TEX15: variants seen among roughly 807,000 people sequenced by gnomAD.
TEX15 encodes the protein testis-expressed protein 15.
Under a neutral mutation model 237.3 loss-of-function variants are expected in TEX15, and 171 were observed. That is an observed-to-expected ratio of 0.72 (90% CI 0.64 to 0.82). The LOEUF (loss-of-function observed/expected upper bound fraction) is 0.82, where lower values mean the gene tolerates loss of function less well. Among genes scored for constraint, TEX15 ranks in the 40% least tolerant of loss-of-function variants. The pLI is 0.00. For synonymous variants in TEX15, 1,338 were observed against 1,269.8 expected (o/e 1.05, Z -1.14); for missense variants, 3,750 against 3,646.5 (o/e 1.03, Z -0.73).
chr8:30,908,612 A>G (rs767395198), intron 1 of TEX15, among the ~76,000 whole-genome samples: 1 of 152,326 alleles, frequency 6.6e-6, no homozygotes, highest in Non-Finnish European at 1.5e-5. Flanking sequence ...TACAAGGTAC[A>G]ATAATTGTGG....
In TEX15 at chr8:30,843,335, G is replaced by C. The variant is rs775007039; in HGVS notation, c.6832C>G (p.Leu2278Val). 2 of 1,611,600 alleles carry C rather than the reference G, an allele frequency of 1.2e-6. No homozygotes were observed. The highest frequency in any genetic ancestry group is 1.7e-5 in the Admixed American group (1 of 59,714). Residue 2278 changes from leucine (L) to valine (V), a missense_variant, in exon 8 of 11, where the codon CTT becomes GTT. Transcript: ENST00000643185. ...GATTGTGTTCTCTCTTTCCAAACAAGATTTTTTGCAGCATCAAAAAAGATA... is the reference window on the plus strand; with the variant it reads ...GATTGTGTTCTCTCTTTCCAAACAACATTTTTTGCAGCATCAAAAAAGATA... The part of the protein sequence containing the change: ...EHIFFDAAKN[L>V]VWKERTQSFS...
chr8:30,844,171 T>C lies in TEX15; in HGVS notation c.5996A>G (p.Asn1999Ser), dbSNP rs1294164685. ...TGCCCTCTGCAAAATTTGAGATAGATTAGCTATAAGGGCCGTATGATTAGC... is the reference window on the plus strand; with the variant it reads ...TGCCCTCTGCAAAATTTGAGATAGACTAGCTATAAGGGCCGTATGATTAGC... ...CSANHTALIA[N>S]LSQILQRADE... Residue 1999 changes from asparagine to serine, a missense_variant, in exon 8 of 11, where the codon AAT becomes AGT. Physicochemically the swap from Asn to Ser is conservative, Grantham distance 46 (BLOSUM62 1). Coordinates refer to ENST00000643185, the MANE Select transcript of TEX15 (RefSeq NM_001350162.2). 6.2e-7 allele frequency: 1 copy of C among 1,613,028 alleles called. No homozygotes were observed. Among genetic ancestry groups the C allele is most frequent in the Non-Finnish European group, 8.5e-7 (1 of 1,179,498 alleles).
intron 7 of TEX15, among the ~76,000 whole-genome samples, chr8:30,852,808 A>C (rs1807817375): frequency 6.6e-6 from 1 of 152,216 alleles, no homozygotes; most frequent in Admixed American, 6.5e-5. Context: ...TACACTACCA[A>C]ATAGTTATTA....
rs760990385 is a variant in TEX15 at position 30,839,902 on chromosome 8, C to T, written c.8222+4G>A. 1 of 1,598,888 alleles carries T rather than the reference C, an allele frequency of 6.3e-7. No individual in the cohort carries two copies. The highest frequency in any genetic ancestry group is 1.3e-5 in the African/African-American group (1 of 74,602). ...TTCCACATAGGGCTGATGGGAACTC[C>T]TACCTTGGATGCTTGAATGTTGCCT... is the stretch of plus-strand genomic sequence containing the variant. On this transcript the variant is annotated splice_donor_region_variant and intron_variant, in intron 9 of 10. Coordinates refer to ENST00000643185, the MANE Select transcript of TEX15 (RefSeq NM_001350162.2).
Position 30,845,392 on chromosome 8 carries a change from G to A in TEX15, c.4775C>T (p.Ser1592Leu), listed in dbSNP as rs898159998. The change falls in exon 8 of 11, where the codon TCA (serine) becomes TTA (leucine). Residue 1592 changes from serine to leucine, a missense_variant. Coordinates refer to ENST00000643185, the MANE Select transcript of TEX15 (RefSeq NM_001350162.2). ...TSKYEKLEKH[S>L]ANHNVKDATK... Reference sequence around the variant, plus strand: ...TGCATCTTTAACATTATGATTTGCTGAATGTTTTTCAAGCTTTTCATATTT... The same window carrying A: ...TGCATCTTTAACATTATGATTTGCTAAATGTTTTTCAAGCTTTTCATATTT... 1 of 1,611,372 alleles carries A rather than the reference G, an allele frequency of 6.2e-7. No homozygotes were observed. The highest frequency in any genetic ancestry group is 1.7e-5 in the Admixed American group (1 of 59,752).
intron 3 of TEX15, among the ~76,000 whole-genome samples, chr8:30,885,146 A>G (rs887539502): frequency 6.6e-6 from 1 of 151,944 alleles, no homozygotes; most frequent in East Asian, 1.9e-4. Context: ...TGGGTTACTT[A>G]TATCTAGTGT....
At position 30,837,911 on chromosome 8, in the gene TEX15, G is replaced by C; in HGVS notation, c.8373C>G (p.Cys2791Trp). Residue 2791 changes from cysteine (C) to tryptophan (W), a missense_variant, in exon 10 of 11, where the codon TGC becomes TGG. Cys to Trp is a radical substitution (Grantham distance 215). Coordinates refer to ENST00000643185, the MANE Select transcript of TEX15 (RefSeq NM_001350162.2). ...LLPLENPKDTCASKSESKIDL... is the reference protein window; with the variant it reads ...LLPLENPKDTWASKSESKIDL... ...CTATTTTGCTTTCCGACTTTGATGC[G>C]CAAGTGTCTTTTGGGTTCTCTAAGG... 1 of 1,614,128 alleles carries C rather than the reference G, an allele frequency of 6.2e-7. No individual in the cohort carries two copies. The highest frequency in any genetic ancestry group is 8.5e-7 in the Non-Finnish European group (1 of 1,180,030).
chr8:30,891,913 ATC>A (rs1808802666), intron 2 of TEX15, among the ~76,000 whole-genome samples: 2 of 152,332 alleles, frequency 1.3e-5, no homozygotes, highest in African/African-American at 4.8e-5. Flanking sequence ...ATGAGATACT[ATC>A]TTTTTTGCTA....
At chr8:30,884,544 C>T (rs1182490439) in intron 3 of TEX15, among the ~76,000 whole-genome samples, 1 of 152,132 alleles carries the variant, frequency 6.6e-6, no homozygotes, top group Non-Finnish European at 1.5e-5. Context: ...TCATATATTT[C>T]TTCTTGTGTG....
Position 30,843,234 on chromosome 8 carries a change from C to T in TEX15, c.6933G>A (p.Leu2311=). Residue 2311 remains leucine (L), a synonymous_variant, in exon 8 of 11, where the codon TTG becomes TTA. Transcript: ENST00000643185. The part of the protein sequence containing the change: ...LRVNKCAFSK[L]QKIYDTLSKD... ...TAGACAAAGTATCATATATCTTCTGCAACTTAGAAAAGGCACATTTATTCA... is the reference window on the plus strand; with the variant it reads ...TAGACAAAGTATCATATATCTTCTGTAACTTAGAAAAGGCACATTTATTCA... 6.2e-7 allele frequency: 1 copy of T among 1,613,314 alleles called. No homozygotes were observed. The highest frequency in any genetic ancestry group is 1.1e-5 in the South Asian group (1 of 90,996).
chr8:30,891,932 T>G, intron 2 of TEX15, among the ~76,000 whole-genome samples: 1 of 152,360 alleles, frequency 6.6e-6, no homozygotes, highest in Middle Eastern at 3.4e-3. Context: ...GCTAATTATA[T>G]TTATTGCAAG....
intron 10 of TEX15, among the ~76,000 whole-genome samples, 197 bp downstream of exon 10, chr8:30,836,606 C>A (rs1014191128): frequency 2.0e-5 from 3 of 152,118 alleles, no homozygotes; most frequent in Non-Finnish European, 4.4e-5. Context: ...GTGATACTGA[C>A]AGTTTTTTTT....
At chr8:30,851,793 C>T (rs992437182) in intron 7 of TEX15, among the ~76,000 whole-genome samples, 3 of 151,916 alleles carry the variant, frequency 2.0e-5, no homozygotes, top group Non-Finnish European at 4.4e-5. Context: ...AAAAATTAGG[C>T]ATGGTGGCAC....
At chr8:30,907,244 A>G (rs1809121677) in intron 1 of TEX15, among the ~76,000 whole-genome samples, 1 of 152,132 alleles carries the variant, frequency 6.6e-6, no homozygotes, top group Non-Finnish European at 1.5e-5. Flanking sequence ...CAGCATCACA[A>G]GAGTCAAGTT....
chr8:30,881,067 T>C (rs996671843), intron 3 of TEX15, among the ~76,000 whole-genome samples: 1 of 152,168 alleles, frequency 6.6e-6, no homozygotes, highest in Non-Finnish European at 1.5e-5. Flanking sequence ...ACTTCCAGTA[T>C]TATGTTGAAT....
chr8:30,861,044 A>G (rs1808040316), intron 5 of TEX15, among the ~76,000 whole-genome samples: 1 of 152,070 alleles, frequency 6.6e-6, no homozygotes, highest in African/African-American at 2.4e-5. Context: ...CAGAGAAAAG[A>G]CCAAAATGAA....
intron 1 of TEX15, among the ~76,000 whole-genome samples, 158 bp downstream of exon 1, chr8:30,912,721 A>T (rs1189335189): frequency 6.6e-6 from 1 of 152,208 alleles, no homozygotes; most frequent in Non-Finnish European, 1.5e-5. Context: ...TAAAAAATTT[A>T]TTATTTTTAA....
At chr8:30,885,272 G>A (rs1386622564) in intron 3 of TEX15, among the ~76,000 whole-genome samples, 2 of 152,090 alleles carry the variant, frequency 1.3e-5, no homozygotes, top group Admixed American at 1.3e-4. Context: ...TTGTGGGAGG[G>A]ATCCAGTGGG....
chr8:30,860,132 T>C (rs766599158), intron 5 of TEX15, 75 bp from the exon 6 acceptor site: 3 of 1,247,278 alleles, frequency 2.4e-6, no homozygotes, highest in Non-Finnish European at 3.2e-6. Context: ...ATTTCAAACA[T>C]AAAAGGCTAA....
Sources: gnomAD v4.1 joint callset for allele counts (sites outside exome capture counted in the v4.1 genomes callset) on GRCh38, gnomAD v4.1.1 for gene constraint, MANE v1.5 for transcripts, NCBI Gene and HGNC (gene_info 2026-07-23, HGNC 2026-07-21) for gene names.